The following SOBP variants were observed in gnomAD, a reference collection of about 807,000 sequenced individuals.
SOBP encodes sine oculis-binding protein homolog.
A neutral mutation model predicts 53.6 loss-of-function variants in SOBP; 4 were observed. The observed-to-expected ratio is 0.07, with a 90% CI of 0.04 to 0.17. The LOEUF (loss-of-function observed/expected upper bound fraction) is 0.17, where lower values mean the gene tolerates loss of function less well. SOBP is among the 10% of genes least tolerant of loss of function. The pLI, the probability that SOBP is intolerant of heterozygous loss-of-function variation, is 1.00. For synonymous variants in SOBP, 584 were observed against 522.6 expected, an observed-to-expected ratio of 1.12 and a Z score of -1.60; for missense variants, 1,088 against 1,204.7, an observed-to-expected ratio of 0.90 and a Z score of 1.43.
At position 107,658,725 on chromosome 6, in the gene SOBP, G is replaced by A. The variant is rs190395397; in HGVS notation, c.*522G>A. On this transcript the variant is annotated 3_prime_UTR_variant, in exon 7 of 7. Coordinates refer to ENST00000317357, the MANE Select transcript of SOBP (RefSeq NM_018013.4). ...TTGATGGCGGAGAGGGGTGGTCCTG[G>A]AGGCCCAATGCTTCAGAGTCATCTC... is the stretch of plus-strand genomic sequence containing the variant. The A allele has an allele frequency of 6.5e-6, 1 of 152,740 alleles. No individual in the cohort carries two copies. The highest frequency in any genetic ancestry group is 2.4e-5 in the African/African-American group (1 of 41,560). The allele number at this position is 152,740 out of a possible 1,614,324, so 9.5% of individuals were successfully genotyped here.
chr6:107,631,665 A>G (rs933246722), intron 5 of SOBP, among the ~76,000 whole-genome samples: 11 of 152,232 alleles, frequency 7.2e-5, no homozygotes, highest in African/African-American at 2.7e-4. Flanking sequence ...ACACAGGAGT[A>G]TATTAGCACT....
chr6:107,490,431 C>T lies in SOBP; in HGVS notation c.-186C>T. The T allele has an allele frequency of 1.8e-6, 1 of 557,634 alleles. No homozygotes were observed. The highest frequency in any genetic ancestry group is 3.2e-6 in the Non-Finnish European group (1 of 313,002). The allele number at this position is 557,634 out of a possible 1,614,324, so 34.5% of individuals were successfully genotyped here. ...CGTGACAGCCACTGACGTCCTCCGC[C>T]GCTAGAAGAGACCCCGCTTCTCGGC... On this transcript the variant is annotated 5_prime_UTR_variant, in exon 1 of 7. Coordinates refer to ENST00000317357, the MANE Select transcript of SOBP (RefSeq NM_018013.4).
At chr6:107,564,580 CA>C (rs1562618206) in intron 4 of SOBP, among the ~76,000 whole-genome samples, 19 of 152,048 alleles carry the variant, frequency 1.2e-4, no homozygotes, top group South Asian at 1.2e-3. Flanking sequence ...AGTTGTTGAC[CA>C]TAGCTCTGTG....
Position 107,659,017 on chromosome 6 carries a change from G to A in SOBP, c.*814G>A, listed in dbSNP as rs1016337473. The A allele has an allele frequency of 2.0e-5, 3 of 152,552 alleles. No individual in the cohort carries two copies. Among genetic ancestry groups the A allele is most frequent in the Non-Finnish European group, 4.4e-5 (3 of 68,026 alleles). 9.4% of individuals were successfully genotyped at this position (152,552 alleles called of 1,614,324 possible). A position where few individuals can be genotyped will look rare whatever the true frequency, so the allele number is the denominator to read the frequency against. ...TTCTCTTTAAATTCCCCTAAATAGC[G>A]CCCCATTTGGGAACAGAGCAAGAGT... On this transcript the variant is annotated 3_prime_UTR_variant, in exon 7 of 7. Coordinates refer to ENST00000317357, the MANE Select transcript of SOBP (RefSeq NM_018013.4).
chr6:107,541,817 T>C (rs191513075), intron 4 of SOBP, among the ~76,000 whole-genome samples: 1 of 152,302 alleles, frequency 6.6e-6, no homozygotes, highest in Admixed American at 6.5e-5. Context: ...TGTAGGATTG[T>C]ATGTTTCATA....
chr6:107,596,241 T>C (rs1203190483), intron 5 of SOBP, among the ~76,000 whole-genome samples: 2 of 152,192 alleles, frequency 1.3e-5, no homozygotes, highest in African/African-American at 2.4e-5. Context: ...TATATTACAA[T>C]TGATGACCTG....
chr6:107,537,420 G>A (rs1784030177), intron 4 of SOBP, among the ~76,000 whole-genome samples: 1 of 152,300 alleles, frequency 6.6e-6, no homozygotes, highest in South Asian at 2.1e-4. Flanking sequence ...TTTCTTGTTC[G>A]GATCTCAAGT....
chr6:107,500,584 C>T (rs531748808), intron 1 of SOBP, among the ~76,000 whole-genome samples: 2 of 151,688 alleles, frequency 1.3e-5, no homozygotes, highest in African/African-American at 2.4e-5. Flanking sequence ...TGCAGTGGCG[C>T]GATCTCGGCT....
At chr6:107,531,185 T>G (rs1783813695) in intron 3 of SOBP, among the ~76,000 whole-genome samples, 1 of 152,226 alleles carries the variant, frequency 6.6e-6, no homozygotes, top group African/African-American at 2.4e-5. Flanking sequence ...TCAGATTATT[T>G]AAAGGAAGAA....
chr6:107,632,414 T>A (rs1230194185), intron 5 of SOBP, among the ~76,000 whole-genome samples: 2 of 151,762 alleles, frequency 1.3e-5, no homozygotes, highest in African/African-American at 4.8e-5. Flanking sequence ...CTATTGAAAA[T>A]TTTGACATCT....
chr6:107,614,258 T>G (rs1488388838), intron 5 of SOBP, among the ~76,000 whole-genome samples: 1 of 152,102 alleles, frequency 6.6e-6, no homozygotes, highest in South Asian at 2.1e-4. Context: ...AAAAATTAGC[T>G]GGGTGTGGTG....
At chr6:107,598,332 A>G (rs1307030441) in intron 5 of SOBP, among the ~76,000 whole-genome samples, 2 of 152,224 alleles carry the variant, frequency 1.3e-5, no homozygotes, top group Non-Finnish European at 2.9e-5. Flanking sequence ...TAGGGAAGAA[A>G]TGATGGCCTG....
rs993669425 is a variant in SOBP, at chr6:107,633,432, C to T, written c.670-82C>T. On this transcript the variant is annotated intron_variant, in intron 5 of 6. Transcript: ENST00000317357. ...GAAGTGCTGGTAAAGTTTAAAAGAACCTTTATGTGAAACACGAAACGTCAT... is the reference window on the plus strand; with the variant it reads ...GAAGTGCTGGTAAAGTTTAAAAGAATCTTTATGTGAAACACGAAACGTCAT... 28 of 1,550,830 alleles carry T rather than the reference C, an allele frequency of 1.8e-5. No individual in the cohort carries two copies. The South Asian group carries it at 3.0e-4, about 17-fold the overall frequency.
intron 5 of SOBP, among the ~76,000 whole-genome samples, chr6:107,605,439 A>G (rs1256076202): frequency 6.6e-6 from 1 of 152,254 alleles, no homozygotes; most frequent in Non-Finnish European, 1.5e-5. Context: ...GGCGAAAAAC[A>G]AATTTGCTAA....
chr6:107,642,078 C>A (rs972912308), intron 6 of SOBP, among the ~76,000 whole-genome samples: 1 of 152,228 alleles, frequency 6.6e-6, no homozygotes, highest in African/African-American at 2.4e-5. Context: ...AAACGAAATT[C>A]ATTCAGAGAA....
At chr6:107,529,423 G>A in intron 3 of SOBP, 1 of 983,766 alleles carries the variant, frequency 1.0e-6, no homozygotes, top group Non-Finnish European at 1.2e-6. Flanking sequence ...ATATAATCCA[G>A]GTCTTTCATT....
chr6:107,569,893 C>G (rs999123846), intron 4 of SOBP, among the ~76,000 whole-genome samples: 4 of 152,356 alleles, frequency 2.6e-5, no homozygotes, highest in Middle Eastern at 3.4e-3. Flanking sequence ...ATTCTCACCC[C>G]CCTTTGCAGC....
At position 107,660,787 on chromosome 6, in the gene SOBP, T is replaced by G. The variant is rs1248446440; in HGVS notation, c.*2584T>G. ...GAAAAGCAACTCGACCTGTTCAGAG[T>G]CTCGCACTTAGTTGATTTAGCTTCT... On this transcript the variant is annotated 3_prime_UTR_variant, in exon 7 of 7. Transcript: ENST00000317357. Among the ~76,000 whole-genome samples, 1 of 152,104 alleles carries G rather than the reference T, an allele frequency of 6.6e-6. No homozygotes were observed. Among genetic ancestry groups the G allele is most frequent in the East Asian group, 1.9e-4 (1 of 5,198 alleles).
At chr6:107,585,526 C>T (rs1785539300) in intron 4 of SOBP, among the ~76,000 whole-genome samples, 1 of 152,130 alleles carries the variant, frequency 6.6e-6, no homozygotes, top group Non-Finnish European at 1.5e-5. Context: ...ACATGAACAA[C>T]AATTAAACTT....
Sources: gnomAD v4.1 joint callset for allele counts (sites outside exome capture counted in the v4.1 genomes callset) on GRCh38, gnomAD v4.1.1 for gene constraint, MANE v1.5 for transcripts, NCBI Gene and HGNC (gene_info 2026-07-23, HGNC 2026-07-21) for gene names.